Variants in BCL6 observed in about 807,000 individuals in gnomAD.
BCL6 encodes the protein BCL6 transcription repressor, also known as B-cell lymphoma 6 protein.
Under a neutral mutation model 59.5 loss-of-function variants are expected in BCL6, and 7 were observed. That is an observed-to-expected ratio of 0.12 (90% CI 0.07 to 0.22). The LOEUF (loss-of-function observed/expected upper bound fraction) is 0.22, where lower values mean the gene tolerates loss of function less well. Ranked by LOEUF, BCL6 falls within the 10% of genes least tolerant of loss-of-function variation. The pLI is 1.00. For missense variants in BCL6, 685 were observed against 939.4 expected (o/e 0.73, Z 3.54); for synonymous variants, 339 against 349.7 (o/e 0.97, Z 0.34).
intron 1 of BCL6, among the ~76,000 whole-genome samples, chr3:187,738,642 G>A (rs1719399960): frequency 6.6e-6 from 1 of 152,144 alleles, no homozygotes; most frequent in Admixed American, 6.6e-5. Context: ...TCGGTAGCAG[G>A]CTCCGGGGTG....
intron 4 of BCL6, among the ~76,000 whole-genome samples, chr3:187,730,947 T>C (rs1214839445): frequency 6.6e-6 from 1 of 152,152 alleles, no homozygotes; most frequent in Non-Finnish European, 1.5e-5. Flanking sequence ...TCCTGGAGGT[T>C]TTCAAACACA....
At chr3:187,744,601 G>C (rs1456817615) in intron 1 of BCL6, among the ~76,000 whole-genome samples, 1 of 152,178 alleles carries the variant, frequency 6.6e-6, no homozygotes, top group East Asian at 1.9e-4. Flanking sequence ...AAAACCCAAA[G>C]AGTTCGCTTG....
At chr3:187,744,875 A>G (rs1711834529) in intron 1 of BCL6, among the ~76,000 whole-genome samples, 3 of 152,242 alleles carry the variant, frequency 2.0e-5, no homozygotes, top group East Asian at 3.9e-4. Flanking sequence ...ATCCAGAGAG[A>G]TCACAAGCCG....
chr3:187,744,758 A>G (rs1452577323), intron 1 of BCL6, among the ~76,000 whole-genome samples: 2 of 152,214 alleles, frequency 1.3e-5, no homozygotes, highest in Admixed American at 6.5e-5. Flanking sequence ...GAAGGGAAGG[A>G]AGAAGAGGCG....
intron 2 of BCL6, 131 bp from the exon 3 acceptor site, chr3:187,733,834 A>G: frequency 1.1e-6 from 1 of 880,318 alleles, no homozygotes. Context: ...TGATCTTTGA[A>G]CAATTCATAG....
chr3:187,744,512 G>A (rs1362310993), intron 1 of BCL6, among the ~76,000 whole-genome samples: 2 of 151,748 alleles, frequency 1.3e-5, no homozygotes, highest in African/African-American at 4.8e-5. Flanking sequence ...GCTCTCATTA[G>A]GAAGATCACG....
intron 1 of BCL6, among the ~76,000 whole-genome samples, chr3:187,743,967 A>T (rs1579830917): frequency 6.6e-6 from 1 of 152,078 alleles, no homozygotes; most frequent in South Asian, 2.1e-4. Context: ...CACGGCCACA[A>T]AGTGCCCTTC....
At position 187,728,528 on chromosome 3, in the gene BCL6, G is replaced by A; in HGVS notation, c.1372C>T (p.Pro458Ser). The A allele has an allele frequency of 6.2e-7, 1 of 1,609,174 alleles. No individual in the cohort carries two copies. Among genetic ancestry groups the A allele is most frequent in the South Asian group, 1.1e-5 (1 of 90,786 alleles). ...GAGTGGCTCTCGCTGCTGCTGCGGG[G>A]AGAGCCCGTCATGGACCTATGGACA... ...NIVNRSMTGS[P>S]RSSSESHSPL... is the part of the protein sequence containing the mutation. The change falls in exon 6 of 10, where the codon CCC becomes TCC. Residue 458 changes from proline (P) to serine (S), a missense_variant. Pro to Ser is a moderately conservative substitution (Grantham distance 74). Coordinates refer to ENST00000406870, the MANE Select transcript of BCL6 (RefSeq NM_001706.5).
chr3:187,733,259 T>C (rs989309336), intron 3 of BCL6, among the ~76,000 whole-genome samples: 3 of 152,282 alleles, frequency 2.0e-5, no homozygotes, highest in East Asian at 1.9e-4. Flanking sequence ...TTATTCTCCA[T>C]GTCTGCCCCA....
intron 1 of BCL6, among the ~76,000 whole-genome samples, chr3:187,742,580 A>G (rs1230495541): frequency 1.3e-5 from 2 of 150,006 alleles, no homozygotes; most frequent in Admixed American, 1.3e-4. Context: ...AAACTAGCCA[A>G]TGCTTCGGCC....
Position 187,722,309 on chromosome 3 carries a change from G to GGCCCCC in BCL6, c.*148_*149insGGGGGC. 1 of 68,666 alleles carries GGCCCCC rather than the reference G, an allele frequency of 1.5e-5. No homozygotes were observed. The highest frequency in any genetic ancestry group is 2.7e-5 in the Non-Finnish European group (1 of 37,332). The allele number at this position is 68,666 out of a possible 1,614,324, so 4.3% of individuals were successfully genotyped here. A position where few individuals can be genotyped will look rare whatever the true frequency, so the allele number is the denominator to read the frequency against. On this transcript the variant is annotated 3_prime_UTR_variant, in exon 10 of 10. Coordinates refer to ENST00000406870, the MANE Select transcript of BCL6 (RefSeq NM_001706.5). ...TGCGGCTCCCAGTCCCCCAGGCCCC[G>GGCCCCC]ACCCCCACCACCCCCAACCCCCAGC... is the stretch of plus-strand genomic sequence containing the variant.
At chr3:187,744,426 A>C (rs576522009) in intron 1 of BCL6, among the ~76,000 whole-genome samples, 2 of 152,134 alleles carry the variant, frequency 1.3e-5, no homozygotes, top group African/African-American at 2.4e-5. Flanking sequence ...ACCAAGAAAG[A>C]ATAATTTTCA....
intron 3 of BCL6, chr3:187,732,379 T>C (rs1719089955): frequency 2.3e-6 from 1 of 436,744 alleles, no homozygotes; most frequent in Non-Finnish European, 4.6e-6. Flanking sequence ...AGAATTTGGC[T>C]ATGAATGACA....
chr3:187,741,172 A>C (rs1711576093), intron 1 of BCL6, among the ~76,000 whole-genome samples: 1 of 152,166 alleles, frequency 6.6e-6, no homozygotes, highest in African/African-American at 2.4e-5. Context: ...AAAGCTAGAA[A>C]ACATTTAATT....
chr3:187,741,261 T>TCATA (rs1157033879), intron 1 of BCL6, among the ~76,000 whole-genome samples: 1 of 152,222 alleles, frequency 6.6e-6, no homozygotes, highest in African/African-American at 2.4e-5. Context: ...GTTTCATGTA[T>TCATA]CATAAGTTGA....
chr3:187,728,884 T>C (rs1353322335), intron 5 of BCL6, among the ~76,000 whole-genome samples, 166 bp downstream of exon 5: 2 of 152,186 alleles, frequency 1.3e-5, no homozygotes, highest in Non-Finnish European at 1.5e-5. Flanking sequence ...TGAAAAAATA[T>C]ACACTACTTA....
At chr3:187,728,080 GC>G (rs1338529829) in intron 6 of BCL6, among the ~76,000 whole-genome samples, 4 of 152,146 alleles carry the variant, frequency 2.6e-5, no homozygotes, top group Non-Finnish European at 5.9e-5. Flanking sequence ...GTTACAGCCA[GC>G]CCCACAAGCT....
chr3:187,744,271 T>A (rs532968287), intron 1 of BCL6, among the ~76,000 whole-genome samples: 1 of 152,250 alleles, frequency 6.6e-6, no homozygotes, highest in African/African-American at 2.4e-5. Context: ...CGAGGTTCCC[T>A]GAGTCCCCCC....
Position 187,725,427 on chromosome 3 carries a change from C to T in BCL6, c.1839+72G>A. On this transcript the variant is annotated intron_variant, in intron 8 of 9. Coordinates refer to ENST00000406870, the MANE Select transcript of BCL6 (RefSeq NM_001706.5). This position sits in a 1 kb window ranked among gnomAD's most constrained non-coding sequence, Gnocchi z 4.7. ...ACTTGCCTGCCCACTCCTCCGCTTG[C>T]CTGCCCACTCCTCCGCTCGCCTGCC... The T allele has an allele frequency of 1.9e-6, 3 of 1,584,936 alleles. No individual in the cohort carries two copies. In the South Asian group the frequency reaches 3.4e-5, roughly 18 times the overall value.
Sources: allele counts gnomAD v4.1 joint callset (sites outside exome capture counted in the v4.1 genomes callset), GRCh38; gene constraint gnomAD v4.1.1; non-coding constraint Gnocchi (gnomAD v3.1); transcripts MANE v1.5; gene names NCBI Gene and HGNC (gene_info 2026-07-23, HGNC 2026-07-21).